Variants in DMAC2L observed in about 807,000 individuals in gnomAD.
DMAC2L encodes distal membrane arm assembly component 2 like, also known as ATP synthase subunit s, mitochondrial.
Under a neutral mutation model 22.5 loss-of-function variants are expected in DMAC2L, and 21 were observed. The ratio of observed to expected loss-of-function variants is 0.93; its 90% confidence interval spans 0.66 to 1.34. DMAC2L has a LOEUF of 1.34. Among genes scored for constraint, DMAC2L ranks in the 40% most tolerant of loss-of-function variants. The pLI is 0.00. For missense variants in DMAC2L, 239 were observed against 246.5 expected (o/e 0.97, Z 0.20); for synonymous variants, 86 against 89.5 (o/e 0.96, Z 0.22).
chr14:50,312,792 G>A (rs2031366676), intron 1 of DMAC2L: 1 of 541,692 alleles, frequency 1.8e-6, no homozygotes, highest in Non-Finnish European at 3.3e-6. Flanking sequence ...CGCTCCTCAC[G>A]GAGGCTCTTT....
At chr14:50,322,982 G>T in intron 4 of DMAC2L, 1 of 1,340,576 alleles carries the variant, frequency 7.5e-7, no homozygotes, top group African/African-American at 1.5e-5. Flanking sequence ...GGCCTTGTTT[G>T]TCAAACTATC....
intron 1 of DMAC2L, 52 bp downstream of exon 1, chr14:50,312,441 G>C: frequency 1.9e-6 from 1 of 513,270 alleles, no homozygotes; most frequent in East Asian, 3.6e-5. Context: ...TGGTGGTTGT[G>C]TTCTGCCCTC....
chr14:50,320,722 C>T (rs536664801), intron 2 of DMAC2L, among the ~76,000 whole-genome samples: 1 of 152,298 alleles, frequency 6.6e-6, no homozygotes, highest in Non-Finnish European at 1.5e-5. Context: ...TCAAAGCAAA[C>T]ACCATGTTTC....
chr14:50,322,994 T>C, intron 4 of DMAC2L: 3 of 1,334,334 alleles, frequency 2.2e-6, no homozygotes, highest in Non-Finnish European at 9.6e-7. Flanking sequence ...CAAACTATCT[T>C]TGTCAAACTT....
rs1006672268 is a variant in DMAC2L, at chr14:50,326,255, C to T, written c.*532C>T. 1 of 351,952 alleles carries T rather than the reference C, an allele frequency of 2.8e-6. No individual in the cohort carries two copies. The highest frequency in any genetic ancestry group is 2.3e-5 in the African/African-American group (1 of 44,400). The allele number at this position is 351,952 out of a possible 1,614,324, so 21.8% of individuals were successfully genotyped here. On this transcript the variant is annotated 3_prime_UTR_variant, in exon 6 of 6. Transcript: ENST00000557421. Reference sequence around the variant, plus strand: ...AAAAAAAAAAAAAGAAAAATGTAAACTAGGTAACATTTTAATTCTAATATA... The same window carrying T: ...AAAAAAAAAAAAAGAAAAATGTAAATTAGGTAACATTTTAATTCTAATATA...
intron 3 of DMAC2L, among the ~76,000 whole-genome samples, chr14:50,322,245 G>C (rs146289638): frequency 6.6e-6 from 1 of 152,196 alleles, no homozygotes; most frequent in Admixed American, 6.5e-5. Flanking sequence ...TCAATGAAAC[G>C]TTGTGTCTGA....
chr14:50,327,916 C>A lies in DMAC2L; in HGVS notation c.*2193C>A, dbSNP rs1257381629. The A allele has an allele frequency of 6.6e-6, 1 of 152,026 alleles. No homozygotes were observed. Among genetic ancestry groups the A allele is most frequent in the African/African-American group, 2.4e-5 (1 of 41,368 alleles). The allele number at this position is 152,026 out of a possible 1,614,324, so 9.4% of individuals were successfully genotyped here. A position where few individuals can be genotyped will look rare whatever the true frequency, so the allele number is the denominator to read the frequency against. On this transcript the variant is annotated 3_prime_UTR_variant, in exon 6 of 6. Transcript: ENST00000557421. Reference sequence around the variant, plus strand: ...TAATTGCCACTGTCATTTTAAAAATCAGAAAATAGTAAATAAAAGGATGTG... The same window carrying A: ...TAATTGCCACTGTCATTTTAAAAATAAGAAAATAGTAAATAAAAGGATGTG...
At position 50,325,726 on chromosome 14, in the gene DMAC2L, T is replaced by C; in HGVS notation, c.*3T>C. ...AACTAAAATTACAATTGAAGTAAAATAATGTGTCTTATTTCAGTATAAAGG... is the reference window on the plus strand; with the variant it reads ...AACTAAAATTACAATTGAAGTAAAACAATGTGTCTTATTTCAGTATAAAGG... On this transcript the variant is annotated 3_prime_UTR_variant, in exon 6 of 6. Transcript: ENST00000557421. The C allele has an allele frequency of 6.2e-7, 1 of 1,607,408 alleles. No homozygotes were observed. Among genetic ancestry groups the C allele is most frequent in the South Asian group, 1.1e-5 (1 of 90,224 alleles).
In DMAC2L at chr14:50,326,012, C is replaced by T; in HGVS notation, c.*289C>T. On this transcript the variant is annotated 3_prime_UTR_variant, in exon 6 of 6. Transcript: ENST00000557421. The stretch of plus-strand genomic sequence containing the variant: ...TGGGAGGCCAAAGCGGGCAGATCAC[C>T]TGAGGTCAGGAGTTCAAGACCAACC... The T allele has an allele frequency of 1.2e-6, 1 of 839,454 alleles. No individual in the cohort carries two copies. The highest frequency in any genetic ancestry group is 1.5e-6 in the Non-Finnish European group (1 of 679,946). The allele number at this position is 839,454 out of a possible 1,614,324, so 52.0% of individuals were successfully genotyped here. A position where few individuals can be genotyped will look rare whatever the true frequency, so the allele number is the denominator to read the frequency against.
At position 50,312,886 on chromosome 14, in the gene DMAC2L, C is replaced by G. The variant is rs546297636; in HGVS notation, c.-42+497C>G. On this transcript the variant is annotated intron_variant, in intron 1 of 5. Coordinates refer to ENST00000557421, the MANE Select transcript of DMAC2L (RefSeq NM_001382507.1). ...GGTGCTATTCATTCAGTCATTGATTCGTCTTGTAAATATGGAGCGCCTGCT... is the reference window on the plus strand; with the variant it reads ...GGTGCTATTCATTCAGTCATTGATTGGTCTTGTAAATATGGAGCGCCTGCT... 2.4e-5 allele frequency: 21 copies of G among 858,914 alleles called. No individual in the cohort carries two copies. In the African/African-American group the frequency reaches 2.7e-4, roughly 11 times the overall value. 53.2% of individuals were successfully genotyped at this position (858,914 alleles called of 1,614,324 possible).
At chr14:50,312,922 C>A in intron 1 of DMAC2L, 1 of 1,368,332 alleles carries the variant, frequency 7.3e-7, no homozygotes, top group Non-Finnish European at 1.0e-6. Context: ...CTGTACTCGA[C>A]CCGGCACTGG....
At chr14:50,323,344 C>A (rs1040649712) in intron 4 of DMAC2L, among the ~76,000 whole-genome samples, 3 of 151,034 alleles carry the variant, frequency 2.0e-5, no homozygotes, top group African/African-American at 7.3e-5. Flanking sequence ...CTGCCTCGGC[C>A]TCCCAAAGTG....
At position 50,326,570 on chromosome 14, in the gene DMAC2L, C is replaced by T; in HGVS notation, c.*847C>T. The T allele has an allele frequency of 1.0e-6, 1 of 985,424 alleles. No homozygotes were observed. The highest frequency in any genetic ancestry group is 1.2e-6 in the Non-Finnish European group (1 of 829,934). The allele number at this position is 985,424 out of a possible 1,614,324, so 61.0% of individuals were successfully genotyped here. A position where few individuals can be genotyped will look rare whatever the true frequency, so the allele number is the denominator to read the frequency against. On this transcript the variant is annotated 3_prime_UTR_variant, in exon 6 of 6. Coordinates refer to ENST00000557421, the MANE Select transcript of DMAC2L (RefSeq NM_001382507.1). ...GCATTCTTGTGTTCTTGATAGCATA[C>T]AGACTTACTCAGAATCAACAGTTGC... is the stretch of plus-strand genomic sequence containing the variant.
At chr14:50,319,189 A>G in intron 2 of DMAC2L, 1 of 1,535,960 alleles carries the variant, frequency 6.5e-7, no homozygotes, top group South Asian at 1.2e-5. Context: ...CAAGGTGGGC[A>G]CAGGCAGAGA....
In DMAC2L at chr14:50,327,267, C is replaced by T. The variant is rs1276328166; in HGVS notation, c.*1544C>T. ...GGAGGATCAGTTGAGCCCGGGAAGT[C>T]GAGGCTGCAGTGAGCCATGTTGGCA... On this transcript the variant is annotated 3_prime_UTR_variant, in exon 6 of 6. Coordinates refer to ENST00000557421, the MANE Select transcript of DMAC2L (RefSeq NM_001382507.1). The T allele has an allele frequency of 2.7e-5, 4 of 149,074 alleles. No homozygotes were observed. The highest frequency in any genetic ancestry group is 6.7e-5 in the Admixed American group (1 of 14,860). 9.2% of individuals were successfully genotyped at this position (149,074 alleles called of 1,614,324 possible). A position where few individuals can be genotyped will look rare whatever the true frequency, so the allele number is the denominator to read the frequency against.
Position 50,324,300 on chromosome 14 carries a change from G to T in DMAC2L, c.488+184G>T. 2 of 468,132 alleles carry T rather than the reference G, an allele frequency of 4.3e-6. 1 individual carries two copies. The highest frequency in any genetic ancestry group is 1.2e-4 in the South Asian group (2 of 16,450). The allele number at this position is 468,132 out of a possible 1,614,324, so 29.0% of individuals were successfully genotyped here. A position where few individuals can be genotyped will look rare whatever the true frequency, so the allele number is the denominator to read the frequency against. On this transcript the variant is annotated intron_variant, in intron 5 of 5. Transcript: ENST00000557421. ...TGATCAACCTTAATACATTAATGTT[G>T]TATTGAATTTTTTATAGAGTATATT...
chr14:50,323,425 ACT>A (rs2032462886), intron 4 of DMAC2L, among the ~76,000 whole-genome samples: 1 of 81,468 alleles, frequency 1.2e-5, no homozygotes, highest in African/African-American at 5.1e-5. Context: ...ACAGAGTCTC[ACT>A]CTGTCACCAA....
Position 50,322,627 on chromosome 14 carries a change from A to C in DMAC2L, c.224A>C (p.Asn75Thr), listed in dbSNP as rs770459494. The stretch of plus-strand genomic sequence containing the variant: ...CAGGAGAGGTGGCAGAAGGACTACA[A>C]CCACCTTCCAACAGGCCCTCTGGAC... ...HGQERWQKDY[N>T]HLPTGPLDKY... The change falls in exon 4 of 6, where the codon AAC (asparagine) becomes ACC (threonine). Residue 75 changes from asparagine to threonine, a missense_variant. Transcript: ENST00000557421. 6.2e-7 allele frequency: 1 copy of C among 1,614,106 alleles called. No individual in the cohort carries two copies.
chr14:50,317,974 A>G (rs2031955702), intron 2 of DMAC2L, among the ~76,000 whole-genome samples: 1 of 152,138 alleles, frequency 6.6e-6, no homozygotes. Context: ...GGATTTTGTC[A>G]AATGCTTTTT....
Sources: gnomAD v4.1 joint callset for allele counts (sites outside exome capture counted in the v4.1 genomes callset) on GRCh38, gnomAD v4.1.1 for gene constraint, MANE v1.5 for transcripts, NCBI Gene and HGNC (gene_info 2026-07-23, HGNC 2026-07-21) for gene names.